Variants in ST18 observed in about 807,000 individuals in gnomAD.
ST18 encodes the protein ST18 C2H2C-type zinc finger transcription factor, also known as suppression of tumorigenicity 18 protein.
ST18 carries 50 observed loss-of-function variants against 110.0 expected under a neutral mutation model. The ratio of observed to expected loss-of-function variants is 0.45; its 90% CI spans 0.36 to 0.58. The LOEUF is 0.58. Among genes scored for constraint, ST18 ranks in the 20% least tolerant of loss-of-function variants. The pLI, the probability that ST18 is intolerant of heterozygous loss-of-function variation, is 0.00. For synonymous variants in ST18, 461 were observed against 452.4 expected (o/e 1.02, Z -0.24); for missense variants, 1,306 against 1,280.1 (o/e 1.02, Z -0.31).
intron 2 of ST18, among the ~76,000 whole-genome samples, chr8:52,327,014 C>A (rs892273696): frequency 2.0e-5 from 3 of 152,210 alleles, no homozygotes; most frequent in Non-Finnish European, 2.9e-5. Context: ...GGAGAGGGAG[C>A]CCCACAGCCT....
intron 7 of ST18, 72 bp downstream of exon 7, chr8:52,214,131 G>A (rs1269795084): frequency 6.9e-7 from 1 of 1,452,384 alleles, no homozygotes; most frequent in Admixed American, 1.7e-5. Context: ...GCACACGAGG[G>A]ACTGAGCACT....
At chr8:52,234,604 A>T (rs1455467382) in intron 2 of ST18, among the ~76,000 whole-genome samples, 13 of 152,122 alleles carry the variant, frequency 8.5e-5, no homozygotes, top group Non-Finnish European at 1.5e-4. Flanking sequence ...TACCCAGAGG[A>T]AAAGAAGTCA....
At position 52,171,880 on chromosome 8, in the gene ST18, C is replaced by G. The variant is rs755908406; in HGVS notation, c.981G>C (p.Leu327=). ...CTAGGTGCTCCAGCAGGAACCTATCCAGCTCTTTGTAGGTGTTATGGAAAA... is the reference window on the plus strand; with the variant it reads ...CTAGGTGCTCCAGCAGGAACCTATCGAGCTCTTTGTAGGTGTTATGGAAAA... ...GCVFHNTYKE[L]DRFLLEHLAG... is the part of the protein sequence containing the mutation. The change falls in exon 10 of 26, where the codon CTG becomes CTC. Residue 327 remains leucine (L), a synonymous_variant. Transcript: ENST00000689386. 6.2e-7 allele frequency: 1 copy of G among 1,614,212 alleles called. No homozygotes were observed. Among genetic ancestry groups the G allele is most frequent in the East Asian group, 2.2e-5 (1 of 44,886 alleles).
intron 8 of ST18, among the ~76,000 whole-genome samples, chr8:52,203,646 T>C (rs1389840741): frequency 2.6e-5 from 4 of 152,226 alleles, no homozygotes; most frequent in African/African-American, 9.6e-5. Flanking sequence ...TATAGTTTAC[T>C]TAAAAGATAG....
intron 2 of ST18, among the ~76,000 whole-genome samples, chr8:52,297,907 G>T (rs2095659079): frequency 6.6e-6 from 1 of 152,196 alleles, no homozygotes; most frequent in South Asian, 2.1e-4. Flanking sequence ...TAAAACTGGG[G>T]TTTCTCACCT....
chr8:52,141,629 G>A (rs1055828365), intron 17 of ST18, among the ~76,000 whole-genome samples: 1 of 137,804 alleles, frequency 7.3e-6, no homozygotes, highest in African/African-American at 3.4e-5. Flanking sequence ...TAGCCTGAAG[G>A]CCTCTCACAT....
chr8:52,241,534 C>A (rs889713911), intron 2 of ST18, among the ~76,000 whole-genome samples: 2 of 152,220 alleles, frequency 1.3e-5, no homozygotes, highest in Non-Finnish European at 2.9e-5. Flanking sequence ...ACAACCCAGA[C>A]AAGGTTGGCA....
At chr8:52,161,603 C>T in intron 13 of ST18, 35 bp from the exon 14 acceptor site, 1 of 1,606,310 alleles carries the variant, frequency 6.2e-7, no homozygotes, top group Non-Finnish European at 8.5e-7. Flanking sequence ...AAAAGAAATA[C>T]AATGAAACTA....
At position 52,406,614 on chromosome 8, in the gene ST18, C is replaced by T. The variant is rs1002142956; in HGVS notation, c.-465+2714G>A. The T allele has an allele frequency of 3.3e-5, 5 of 152,270 alleles. 1 individual carries two copies. Among genetic ancestry groups the T allele is most frequent in the African/African-American group, 1.2e-4 (5 of 41,450 alleles). 9.4% of individuals were successfully genotyped at this position (152,270 alleles called of 1,614,324 possible). On this transcript the variant is annotated intron_variant, in intron 2 of 25. Coordinates refer to ENST00000689386, the MANE Select transcript of ST18 (RefSeq NM_001352837.2). The stretch of plus-strand genomic sequence containing the variant: ...GCAAATGAGAGCTTGACAAAGGGAA[C>T]CCGCAGGCAGCCAGCTGAGGTCTTA...
chr8:52,309,687 G>A (rs2095872660), intron 2 of ST18, among the ~76,000 whole-genome samples: 4 of 151,662 alleles, frequency 2.6e-5, no homozygotes, highest in Admixed American at 2.0e-4. Flanking sequence ...TATAAAATAA[G>A]TAGGAAAGTA....
At chr8:52,314,335 T>C (rs1034998074) in intron 2 of ST18, among the ~76,000 whole-genome samples, 2 of 152,230 alleles carry the variant, frequency 1.3e-5, no homozygotes, top group African/African-American at 4.8e-5. Context: ...TGACATCCTT[T>C]AATGGACCCA....
At chr8:52,225,005 G>A (rs1422079490) in intron 3 of ST18, among the ~76,000 whole-genome samples, 1 of 152,126 alleles carries the variant, frequency 6.6e-6, no homozygotes, top group Non-Finnish European at 1.5e-5. Flanking sequence ...TGCAATTTTT[G>A]CTTTTGCAGA....
chr8:52,198,296 C>T (rs1023319030), intron 8 of ST18, among the ~76,000 whole-genome samples: 2 of 152,152 alleles, frequency 1.3e-5, no homozygotes, highest in African/African-American at 2.4e-5. Context: ...TGAGCCACTG[C>T]GCCCGGCCGT....
chr8:52,116,331 C>T lies in ST18; in HGVS notation c.2947G>A (p.Ala983Thr). 7 of 1,614,030 alleles carry T rather than the reference C, an allele frequency of 4.3e-6. No homozygotes were observed. Among genetic ancestry groups the T allele is most frequent in the Non-Finnish European group, 5.9e-6 (7 of 1,179,948 alleles). ...QNNESLLKELAGLSQALISSL... is the reference protein window; with the variant it reads ...QNNESLLKELTGLSQALISSL... ...GAAATGAGAGCTTGGCTTAGACCTG[C>T]CAGCTCTTTCAGCAGACTTTCATTG... Residue 983 changes from alanine to threonine, a missense_variant, in exon 25 of 26, where the codon GCA (alanine) becomes ACA (threonine). Ala to Thr is a moderately conservative substitution (Grantham distance 58). Coordinates refer to ENST00000689386, the MANE Select transcript of ST18 (RefSeq NM_001352837.2).
rs1306339000 is a variant in ST18 at position 52,230,058 on chromosome 8, C to G, written c.-445G>C. ...TTCCCTAAAAGCTACTGGATCTGAA[C>G]TGGAGAGTTTCCATCACTCCTGAGG... On this transcript the variant is annotated 5_prime_UTR_variant, in exon 3 of 26. Coordinates refer to ENST00000689386, the MANE Select transcript of ST18 (RefSeq NM_001352837.2). The G allele has an allele frequency of 6.6e-6, 1 of 152,470 alleles. No individual in the cohort carries two copies. The highest frequency in any genetic ancestry group is 2.4e-5 in the African/African-American group (1 of 41,414). The allele number at this position is 152,470 out of a possible 1,614,324, so 9.4% of individuals were successfully genotyped here.
At chr8:52,302,149 G>T (rs1044744734) in intron 2 of ST18, among the ~76,000 whole-genome samples, 3 of 152,238 alleles carry the variant, frequency 2.0e-5, no homozygotes, top group African/African-American at 7.2e-5. Flanking sequence ...ATGGGGTGGA[G>T]AGTGGACGCA....
chr8:52,227,022 G>A (rs1338448450), intron 3 of ST18, among the ~76,000 whole-genome samples: 5 of 152,008 alleles, frequency 3.3e-5, no homozygotes, highest in African/African-American at 4.8e-5. Context: ...ATAAAATGTA[G>A]TTATTTAACT....
intron 2 of ST18, among the ~76,000 whole-genome samples, chr8:52,265,739 C>A (rs1373285904): frequency 6.6e-6 from 1 of 152,032 alleles, no homozygotes; most frequent in Non-Finnish European, 1.5e-5. Context: ...TATCTTGTAG[C>A]CATGATAAAA....
chr8:52,265,725 G>A (rs2094846408), intron 2 of ST18, among the ~76,000 whole-genome samples: 1 of 152,198 alleles, frequency 6.6e-6, no homozygotes, highest in Non-Finnish European at 1.5e-5. Flanking sequence ...TAGGAAAATA[G>A]AGTTATCTTG....
Sources: gnomAD v4.1 joint callset for allele counts (sites outside exome capture counted in the v4.1 genomes callset) on GRCh38, gnomAD v4.1.1 for gene constraint, MANE v1.5 for transcripts, NCBI Gene and HGNC (gene_info 2026-07-23, HGNC 2026-07-21) for gene names.